XKR3: variants seen among roughly 807,000 people sequenced by gnomAD.
The protein encoded by XKR3 is XK related 3, also known as XK-related protein 3.
In XKR3, 27 loss-of-function variants were observed where a neutral mutation model predicts 40.3. The ratio of observed to expected loss-of-function variants is 0.67; its 90% CI spans 0.49 to 0.92. XKR3 has a LOEUF of 0.92. XKR3 is among the 40% of genes least tolerant of loss of function. The probability of loss-of-function intolerance (pLI) is 0.00; values close to 1 mark genes in which losing one functional copy is unlikely to be tolerated. For missense variants in XKR3, 472 were observed against 537.6 expected, an observed-to-expected ratio of 0.88 and a Z score of 1.21; for synonymous variants, 193 against 195.4, an observed-to-expected ratio of 0.99 and a Z score of 0.10.
At chr22:16,803,842 A>C (rs1199204575) in intron 2 of XKR3, among the ~76,000 whole-genome samples, 1 of 152,208 alleles carries the variant, frequency 6.6e-6, no homozygotes, top group Non-Finnish European at 1.5e-5. Context: ...GGCAACCAGC[A>C]GCCTTTGGGC....
At chr22:16,792,410 G>A (rs1306199977) in intron 3 of XKR3, among the ~76,000 whole-genome samples, 2 of 152,210 alleles carry the variant, frequency 1.3e-5, no homozygotes, top group African/African-American at 4.8e-5. Context: ...AATGAAAACT[G>A]CATCTAATGC....
chr22:16,816,470 A>C (rs1377558889), intron 1 of XKR3, among the ~76,000 whole-genome samples: 1 of 151,716 alleles, frequency 6.6e-6, no homozygotes, highest in Non-Finnish European at 1.5e-5. Context: ...CAGTTAGTTG[A>C]TATTTTTTTC....
chr22:16,812,629 T>G (rs2060217325), intron 1 of XKR3, among the ~76,000 whole-genome samples: 1 of 152,048 alleles, frequency 6.6e-6, no homozygotes, highest in African/African-American at 2.4e-5. Context: ...GAGCTGAGAT[T>G]GCACCACTGC....
intron 1 of XKR3, among the ~76,000 whole-genome samples, chr22:16,812,618 T>G (rs1370751904): frequency 1.3e-5 from 2 of 152,124 alleles, no homozygotes; most frequent in African/African-American, 4.8e-5. Context: ...GAGGTTGCAG[T>G]GAGCTGAGAT....
chr22:16,824,750 T>G (rs948958222), intron 1 of XKR3, among the ~76,000 whole-genome samples: 3 of 152,192 alleles, frequency 2.0e-5, no homozygotes, highest in African/African-American at 7.2e-5. Flanking sequence ...AACCACTTCC[T>G]TCTCCTTTGG....
Position 16,783,958 on chromosome 22 carries a change from G to C in XKR3, c.1041C>G (p.His347Gln). The change falls in exon 4 of 4, where the codon CAC becomes CAG. Residue 347 changes from histidine to glutamine, a missense_variant. Transcript: ENST00000684488. ...CATTTTCTAAAAACTGAAAGCTGTA[G>C]TGTAGGATTCTATGGCCCCACCTCT... The part of the protein sequence containing the change: ...GRQRWGHRIL[H>Q]YSFQFLENVI... 6.2e-7 allele frequency: 1 copy of C among 1,614,204 alleles called. No homozygotes were observed. Among genetic ancestry groups the C allele is most frequent in the Non-Finnish European group, 8.5e-7 (1 of 1,180,046 alleles).
intron 3 of XKR3, among the ~76,000 whole-genome samples, chr22:16,785,965 A>G (rs1447584157): frequency 6.6e-6 from 1 of 152,208 alleles, no homozygotes; most frequent in Non-Finnish European, 1.5e-5. Context: ...TAAATTTATT[A>G]TTCACTTTCT....
chr22:16,786,259 C>CACACACACACAG (rs1238646935), intron 3 of XKR3, among the ~76,000 whole-genome samples: 10 of 151,548 alleles, frequency 6.6e-5, no homozygotes, highest in Non-Finnish European at 2.9e-5. Flanking sequence ...AACGCGTGCA[C>CACACACACACAG]ACACACACAC....
intron 1 of XKR3, 132 bp from the exon 2 acceptor site, chr22:16,808,215 G>T: frequency 1.6e-6 from 1 of 618,012 alleles, no homozygotes; most frequent in Non-Finnish European, 2.7e-6. Flanking sequence ...TCACTAATCA[G>T]AATAGAAAAA....
intron 1 of XKR3, among the ~76,000 whole-genome samples, chr22:16,818,307 G>C (rs1409574012): frequency 3.3e-5 from 5 of 152,008 alleles, no homozygotes. Context: ...CGGACATAAT[G>C]ACAAGAAACA....
intron 3 of XKR3, among the ~76,000 whole-genome samples, chr22:16,791,802 AG>A (rs2060119503): frequency 1.9e-4 from 23 of 121,926 alleles, no homozygotes; most frequent in African/African-American, 3.5e-4. Context: ...AGAGAGAGAG[AG>A]AGAGAGAGAA....
chr22:16,793,196 G>A (rs1479319275), intron 3 of XKR3, among the ~76,000 whole-genome samples: 5 of 152,116 alleles, frequency 3.3e-5, no homozygotes, highest in Non-Finnish European at 7.4e-5. Flanking sequence ...ATTTTTAGTA[G>A]AGGCAAGGTT....
At chr22:16,823,282 G>T (rs2060263644) in intron 1 of XKR3, among the ~76,000 whole-genome samples, 1 of 152,182 alleles carries the variant, frequency 6.6e-6, no homozygotes, top group Admixed American at 6.5e-5. Context: ...TAGCAGTGTA[G>T]AGAAAATAAT....
chr22:16,813,262 C>T (rs552937741), intron 1 of XKR3, among the ~76,000 whole-genome samples: 25 of 151,248 alleles, frequency 1.7e-4, no homozygotes, highest in African/African-American at 5.8e-4. Context: ...CCAGCCTGGG[C>T]GGCAGAGGAA....
rs142186271 is a variant in XKR3, at chr22:16,807,082, T to C, written c.335+657A>G. 3.5e-3 allele frequency among the ~76,000 whole-genome samples: 531 copies of C among 152,276 alleles called. 3 individuals are homozygous for C. Among genetic ancestry groups the C allele is most frequent in the East Asian group, 0.02 (102 of 5,188 alleles). The stretch of plus-strand genomic sequence containing the variant: ...AATAAACTTGAGTTTACCTAAAACA[T>C]TCAGTGAAAAGAAAGTTATAAAAGA... On this transcript the variant is annotated intron_variant, in intron 2 of 3. Transcript: ENST00000684488.
intron 1 of XKR3, among the ~76,000 whole-genome samples, chr22:16,819,090 G>A (rs537245354): frequency 3.3e-5 from 5 of 152,048 alleles, no homozygotes; most frequent in South Asian, 2.1e-4. Flanking sequence ...AAAAAAACAG[G>A]TATGGGCTGG....
intron 1 of XKR3, among the ~76,000 whole-genome samples, chr22:16,814,535 A>T (rs2060225529): frequency 6.6e-6 from 1 of 152,166 alleles, no homozygotes; most frequent in African/African-American, 2.4e-5. Flanking sequence ...TTTGGTAGAG[A>T]CTTAATTGAA....
chr22:16,819,165 A>G (rs1392569296), intron 1 of XKR3, among the ~76,000 whole-genome samples: 1 of 152,120 alleles, frequency 6.6e-6, no homozygotes, highest in East Asian at 1.9e-4. Flanking sequence ...AGAAGGATAC[A>G]TTGTGTTAAT....
chr22:16,792,251 T>A (rs1225721901), intron 3 of XKR3, among the ~76,000 whole-genome samples: 1 of 152,172 alleles, frequency 6.6e-6, no homozygotes. Flanking sequence ...CGGCCTACAC[T>A]GACACAATTT....
Sources: allele counts gnomAD v4.1 joint callset (sites outside exome capture counted in the v4.1 genomes callset), GRCh38; gene constraint gnomAD v4.1.1; transcripts MANE v1.5; gene names NCBI Gene and HGNC (gene_info 2026-07-23, HGNC 2026-07-21).